GDAP1: variants seen among roughly 807,000 people sequenced by gnomAD.
The protein encoded by GDAP1 is ganglioside-induced differentiation-associated protein 1.
GDAP1 carries 34 observed loss-of-function variants against 40.1 expected under a neutral mutation model. The ratio of observed to expected loss-of-function variants is 0.85; its 90% CI spans 0.64 to 1.13. GDAP1 has a LOEUF of 1.13. Among genes scored for constraint, GDAP1 ranks in the 50% most tolerant of loss-of-function variants. The pLI, the probability that GDAP1 is intolerant of heterozygous loss-of-function variation, is 0.00. For missense variants in GDAP1, 374 were observed against 433.7 expected (o/e 0.86, Z 1.22); for synonymous variants, 170 against 157.4 (o/e 1.08, Z -0.60).
intron 2 of GDAP1, among the ~76,000 whole-genome samples, chr8:74,372,806 A>G (rs1361228161): frequency 6.6e-6 from 1 of 152,134 alleles, no homozygotes; most frequent in Non-Finnish European, 1.5e-5. Flanking sequence ...TTTGGTTGCC[A>G]TTGCTTTTGG....
At chr8:74,481,335 G>A (rs778115390) in intron 2 of GDAP1, among the ~76,000 whole-genome samples, 5 of 152,188 alleles carry the variant, frequency 3.3e-5, no homozygotes, top group Non-Finnish European at 7.3e-5. Context: ...ATGGCACTTG[G>A]AATAGCTGCA....
chr8:74,358,241 A>G (rs1809196353), intron 2 of GDAP1, among the ~76,000 whole-genome samples: 2 of 152,166 alleles, frequency 1.3e-5, no homozygotes, highest in African/African-American at 2.4e-5. Context: ...GCAATTAGAC[A>G]TTGTTTTTCC....
chr8:74,396,722 A>T (rs1810206490), intron 2 of GDAP1, among the ~76,000 whole-genome samples: 1 of 152,152 alleles, frequency 6.6e-6, no homozygotes, highest in African/African-American at 2.4e-5. Flanking sequence ...TCCATGGTGT[A>T]TATGTGCCAC....
At chr8:74,427,242 C>T (rs1489622673) in intron 2 of GDAP1, among the ~76,000 whole-genome samples, 2 of 152,266 alleles carry the variant, frequency 1.3e-5, no homozygotes, top group South Asian at 2.1e-4. Flanking sequence ...GATGCCAGTG[C>T]GTCCTATGTG....
At chr8:74,442,637 TC>T (rs1806176864) in intron 2 of GDAP1, among the ~76,000 whole-genome samples, 1 of 152,212 alleles carries the variant, frequency 6.6e-6, no homozygotes, top group Admixed American at 6.5e-5. Context: ...GAAAAAGACT[TC>T]CTTGAAACAG....
intron 2 of GDAP1, among the ~76,000 whole-genome samples, chr8:74,402,544 A>G (rs1182183189): frequency 2.7e-5 from 4 of 150,166 alleles, no homozygotes; most frequent in East Asian, 3.9e-4. Context: ...CGGCTCGCGC[A>G]TGGTGCGCTG....
In GDAP1 at chr8:74,360,242, G is replaced by A; in HGVS notation, c.416G>A (p.Gly139Asp). Residue 139 changes from glycine (G) to aspartate (D), a missense_variant, in exon 3 of 6, where the codon GGC becomes GAC. Transcript: ENST00000220822. ...TTGCCAATGGATGCCTATACACATG[G>A]CTGCATTTTACATCCTGAGTTAACT... ...DSLPMDAYTH[G>D]CILHPELTVD... The A allele has an allele frequency of 6.2e-7, 1 of 1,613,720 alleles. No individual in the cohort carries two copies. The highest frequency in any genetic ancestry group is 8.5e-7 in the Non-Finnish European group (1 of 1,179,714).
chr8:74,375,931 G>T (rs149550528), intron 2 of GDAP1, among the ~76,000 whole-genome samples: 2,340 of 152,268 alleles, frequency 0.015, 52 homozygotes, highest in African/African-American at 0.053. Flanking sequence ...TTCTCAGAAT[G>T]CAAGATCACC....
chr8:74,441,899 G>C (rs1298381244), intron 2 of GDAP1, among the ~76,000 whole-genome samples: 2 of 152,090 alleles, frequency 1.3e-5, no homozygotes, highest in Admixed American at 6.6e-5. Context: ...CTGCTGTTTA[G>C]AGACATACCC....
chr8:74,420,588 G>A (rs6472849), intron 2 of GDAP1, among the ~76,000 whole-genome samples: 48,705 of 152,022 alleles, frequency 0.32, 7,909 homozygotes, highest in Middle Eastern at 0.46. Flanking sequence ...TGCAGCTACC[G>A]TCTCTTGAAT....
intron 2 of GDAP1, among the ~76,000 whole-genome samples, chr8:74,387,311 A>G (rs1044424775): frequency 3.3e-5 from 5 of 152,172 alleles, no homozygotes; most frequent in African/African-American, 1.2e-4. Flanking sequence ...GATATTGGCC[A>G]TGGGTTTGTC....
At chr8:74,418,059 C>G (rs1438561741) in intron 2 of GDAP1, among the ~76,000 whole-genome samples, 1 of 152,146 alleles carries the variant, frequency 6.6e-6, no homozygotes, top group Non-Finnish European at 1.5e-5. Flanking sequence ...AGTGGAGAGA[C>G]AAATTGTTTT....
Position 74,359,808 on chromosome 8 carries a change from C to T in GDAP1, c.311-329C>T, listed in dbSNP as rs78131881. ...TGTTATGGATGTATAGAAGAAGGCACATGTGAGCCAGTCAGATGTTGGCAG... is the reference window on the plus strand; with the variant it reads ...TGTTATGGATGTATAGAAGAAGGCATATGTGAGCCAGTCAGATGTTGGCAG... On this transcript the variant is annotated intron_variant, in intron 2 of 5. Transcript: ENST00000220822. Among the ~76,000 whole-genome samples, 43 of 152,280 alleles carry T rather than the reference C, an allele frequency of 2.8e-4. No homozygotes were observed. The East Asian group carries it at 5.0e-3, about 18-fold the overall frequency.
chr8:74,360,807 C>T (rs1809324830), intron 3 of GDAP1, among the ~76,000 whole-genome samples: 1 of 152,210 alleles, frequency 6.6e-6, no homozygotes, highest in Non-Finnish European at 1.5e-5. Flanking sequence ...AGCTTTCTGC[C>T]TTCCTCCTGT....
chr8:74,424,815 T>C (rs933077901), intron 2 of GDAP1, among the ~76,000 whole-genome samples: 3 of 152,316 alleles, frequency 2.0e-5, no homozygotes, highest in Middle Eastern at 3.4e-3. Flanking sequence ...AAATTATGTC[T>C]GTGGATTATA....
chr8:74,425,331 G>T (rs1453807919), intron 2 of GDAP1, among the ~76,000 whole-genome samples: 1 of 152,158 alleles, frequency 6.6e-6, no homozygotes, highest in African/African-American at 2.4e-5. Flanking sequence ...CCTTAGCCTT[G>T]TTTAAATTGG....
At chr8:74,429,541 A>G (rs962632278) in intron 2 of GDAP1, among the ~76,000 whole-genome samples, 1 of 152,202 alleles carries the variant, frequency 6.6e-6, no homozygotes, top group Admixed American at 6.5e-5. Context: ...TGATTTCTTC[A>G]AAGAGTCCCT....
Position 74,417,826 on chromosome 8 carries a change from A to T in GDAP1, c.165+66505A>T, listed in dbSNP as rs551334714. On this transcript the variant is annotated intron_variant, in intron 2 of 2. Coordinates refer to the GDAP1 transcript ENST00000523640. ...AAGATGAATATAAACAAATATTGTAAATTAACAAGTGAGTTTATCAAGGTC... is the reference window on the plus strand; with the variant it reads ...AAGATGAATATAAACAAATATTGTATATTAACAAGTGAGTTTATCAAGGTC... Among the ~76,000 whole-genome samples, 548 of 139,994 alleles carry T rather than the reference A, an allele frequency of 3.9e-3. 47 individuals carry two copies. Among genetic ancestry groups the T allele is most frequent in the African/African-American group, 0.017 (517 of 30,034 alleles). 91.8% of individuals were successfully genotyped at this position (139,994 alleles called of 152,430 possible). A position where few individuals can be genotyped will look rare whatever the true frequency, so the allele number is the denominator to read the frequency against.
downstream of GDAP1, among the ~76,000 whole-genome samples, chr8:74,368,796 T>C (rs1809701368): frequency 6.6e-6 from 1 of 152,218 alleles, no homozygotes; most frequent in African/African-American, 2.4e-5. Context: ...GATAATTCTT[T>C]GTTGTGTGGA....
Sources: allele counts gnomAD v4.1 joint callset (sites outside exome capture counted in the v4.1 genomes callset), GRCh38; gene constraint gnomAD v4.1.1; transcripts MANE v1.5; gene names NCBI Gene and HGNC (gene_info 2026-07-23, HGNC 2026-07-21).